Variants in CACNG3 observed in about 807,000 individuals in gnomAD.
The protein encoded by CACNG3 is calcium voltage-gated channel auxiliary subunit gamma 3.
CACNG3 carries 3 observed loss-of-function variants against 28.5 expected under a neutral mutation model. That is an observed-to-expected ratio of 0.11 (90% CI 0.05 to 0.27). CACNG3 has a LOEUF of 0.27. Among genes scored for constraint, CACNG3 ranks in the 10% least tolerant of loss-of-function variants. The pLI is 1.00. For synonymous variants in CACNG3, 174 were observed against 162.2 expected (o/e 1.07, Z -0.55); for missense variants, 236 against 414.4 (o/e 0.57, Z 3.74).
intron 1 of CACNG3, among the ~76,000 whole-genome samples, chr16:24,269,590 T>C (rs1413487078): frequency 6.6e-6 from 1 of 151,302 alleles, no homozygotes; most frequent in Non-Finnish European, 1.5e-5. Context: ...CTACTAAAAA[T>C]AGAAAAATTA....
At chr16:24,298,635 C>T (rs1557810) in intron 1 of CACNG3, among the ~76,000 whole-genome samples, 105,147 of 152,102 alleles carry the variant, frequency 0.69, 37,687 homozygotes, top group African/African-American at 0.88. Flanking sequence ...AATGGACCAG[C>T]ATTGACACAT....
chr16:24,329,046 G>A (rs902420577), intron 1 of CACNG3, among the ~76,000 whole-genome samples: 6 of 152,258 alleles, frequency 3.9e-5, no homozygotes, highest in African/African-American at 1.2e-4. Context: ...AGGAGACACC[G>A]CCCTGTTTCC....
chr16:24,330,281 T>C (rs1460953810), intron 1 of CACNG3, among the ~76,000 whole-genome samples: 1 of 152,190 alleles, frequency 6.6e-6, no homozygotes, highest in African/African-American at 2.4e-5. Context: ...ATGGCTGTGA[T>C]GCTTGCTTGT....
chr16:24,352,009 G>T (rs1249796147), intron 2 of CACNG3, among the ~76,000 whole-genome samples: 1 of 151,860 alleles, frequency 6.6e-6, no homozygotes, highest in Non-Finnish European at 1.5e-5. Context: ...TAGAGACGGG[G>T]TTTACCGTGC....
At chr16:24,336,496 C>A (rs778715761) in intron 1 of CACNG3, among the ~76,000 whole-genome samples, 89 of 151,786 alleles carry the variant, frequency 5.9e-4, no homozygotes, top group Middle Eastern at 6.8e-3. Flanking sequence ...AGGATGGTCT[C>A]GATATCCTGA....
intron 1 of CACNG3, among the ~76,000 whole-genome samples, chr16:24,319,968 A>G (rs1225866186): frequency 6.6e-6 from 1 of 151,980 alleles, no homozygotes; most frequent in Non-Finnish European, 1.5e-5. Flanking sequence ...ATGGGGTTTC[A>G]CCATGTTGGC....
intron 1 of CACNG3, among the ~76,000 whole-genome samples, chr16:24,257,972 A>T (rs772591167): frequency 6.6e-6 from 1 of 152,138 alleles, no homozygotes; most frequent in Non-Finnish European, 1.5e-5. Context: ...AGCTCTTTGG[A>T]GCCTATGTGC....
intron 1 of CACNG3, among the ~76,000 whole-genome samples, chr16:24,344,513 G>A (rs533491341): frequency 4.6e-5 from 7 of 152,284 alleles, no homozygotes; most frequent in African/African-American, 1.7e-4. Flanking sequence ...ACTGGAAGGG[G>A]ATGGGGCTTA....
chr16:24,295,913 T>C (rs957085535), intron 1 of CACNG3, among the ~76,000 whole-genome samples: 2 of 152,050 alleles, frequency 1.3e-5, no homozygotes, highest in South Asian at 2.1e-4. Context: ...ATTTTACAGA[T>C]GAAAAAACTG....
intron 1 of CACNG3, among the ~76,000 whole-genome samples, chr16:24,326,402 C>T (rs1988474): frequency 6.6e-6 from 1 of 151,904 alleles, no homozygotes; most frequent in Non-Finnish European, 1.5e-5. Flanking sequence ...AATTCCCGAC[C>T]TCAGGTGATC....
intron 2 of CACNG3, among the ~76,000 whole-genome samples, chr16:24,349,382 G>T (rs1370234059): frequency 6.6e-6 from 1 of 152,208 alleles, no homozygotes; most frequent in East Asian, 1.9e-4. Context: ...GTTTATTAGA[G>T]AAGCAAAGAA....
At chr16:24,280,699 C>T (rs894938017) in intron 1 of CACNG3, among the ~76,000 whole-genome samples, 1 of 151,556 alleles carries the variant, frequency 6.6e-6, no homozygotes, top group Non-Finnish European at 1.5e-5. Context: ...GCCTGTAATC[C>T]CAGCTACTTG....
At chr16:24,274,622 T>C (rs780857736) in intron 1 of CACNG3, among the ~76,000 whole-genome samples, 2 of 152,124 alleles carry the variant, frequency 1.3e-5, no homozygotes, top group Non-Finnish European at 2.9e-5. Context: ...TGGAACAAGA[T>C]TTATGGCATA....
chr16:24,297,641 A>G (rs1899050289), intron 1 of CACNG3, among the ~76,000 whole-genome samples: 1 of 152,158 alleles, frequency 6.6e-6, no homozygotes, highest in African/African-American at 2.4e-5. Flanking sequence ...TCTGAGCTAG[A>G]ATTTAGGCAG....
Position 24,256,953 on chromosome 16 carries a change from T to G in CACNG3, c.199T>G (p.Cys67Gly). ...VMTHSGLWRT[C>G]CLEGAFRGVC... ...GACCCATTCGGGGCTGTGGAGGACC[T>G]GCTGCCTAGAAGGTATTTACAATTT... The change falls in exon 1 of 4, where the codon TGC (cysteine) becomes GGC (glycine). Residue 67 changes from cysteine to glycine, a missense_variant. By Grantham distance (159) the Cys-to-Gly change is radical. Coordinates refer to ENST00000005284, the MANE Select transcript of CACNG3 (RefSeq NM_006539.4). The surrounding 1 kb of genome is among the most constrained non-coding windows in gnomAD (Gnocchi z 4.6). 6.2e-7 allele frequency: 1 copy of G among 1,606,432 alleles called. No individual in the cohort carries two copies. The highest frequency in any genetic ancestry group is 8.5e-7 in the Non-Finnish European group (1 of 1,172,976).
At chr16:24,266,632 GAGA>G (rs1247520108) in intron 1 of CACNG3, among the ~76,000 whole-genome samples, 6 of 152,214 alleles carry the variant, frequency 3.9e-5, no homozygotes, top group African/African-American at 7.2e-5. Context: ...GATAAAGGAG[GAGA>G]AGGAGAATTC....
At chr16:24,302,327 G>A (rs1899123562) in intron 1 of CACNG3, among the ~76,000 whole-genome samples, 1 of 152,206 alleles carries the variant, frequency 6.6e-6, no homozygotes, top group Non-Finnish European at 1.5e-5. Flanking sequence ...GCTACTCAAA[G>A]AGTCACCCTT....
chr16:24,325,184 T>C (rs1157709327), intron 1 of CACNG3, among the ~76,000 whole-genome samples: 2 of 152,206 alleles, frequency 1.3e-5, no homozygotes, highest in East Asian at 1.9e-4. Flanking sequence ...AGGAATTTAA[T>C]ATCAGCCAAT....
intron 1 of CACNG3, among the ~76,000 whole-genome samples, chr16:24,294,858 A>T (rs546631855): frequency 3.5e-4 from 54 of 152,362 alleles, no homozygotes; most frequent in Admixed American, 1.2e-3. Flanking sequence ...TAGAGCTACT[A>T]TGAGAATTAA....
Sources: allele counts gnomAD v4.1 joint callset (sites outside exome capture counted in the v4.1 genomes callset), GRCh38; gene constraint gnomAD v4.1.1; non-coding constraint Gnocchi (gnomAD v3.1); transcripts MANE v1.5; gene names NCBI Gene and HGNC (gene_info 2026-07-23, HGNC 2026-07-21).